The following UBE4B variants were observed in gnomAD, a reference collection of about 807,000 sequenced individuals.
UBE4B encodes the protein ubiquitination factor E4B.
In UBE4B, 27 loss-of-function variants were observed where a neutral mutation model predicts 148.1. The ratio of observed to expected loss-of-function variants is 0.18; its 90% confidence interval spans 0.13 to 0.25. The LOEUF (loss-of-function observed/expected upper bound fraction) is 0.25. Ranked by LOEUF, UBE4B falls within the 10% of genes least tolerant of loss-of-function variation. The pLI is 1.00. For synonymous variants in UBE4B, 596 were observed against 619.3 expected (o/e 0.96, Z 0.56); for missense variants, 1,170 against 1,662.4 (o/e 0.70, Z 5.15).
Position 10,167,729 on chromosome 1 carries a change from A to T in UBE4B, c.3199-407A>T, listed in dbSNP as rs1646275501. ...TGCCTCAGCCTCCCAAGTAGCTGGG[A>T]CTACAGCCACGCACCACCACCCCCA... On this transcript the variant is annotated intron_variant, in intron 23 of 27. Transcript: ENST00000343090. Among the ~76,000 whole-genome samples the T allele has an allele frequency of 2.6e-5, 4 of 151,290 alleles. No individual in the cohort carries two copies. In the Admixed American group the frequency reaches 2.6e-4, roughly 10 times the overall value.
chr1:10,137,898 C>G (rs1157859039), intron 17 of UBE4B, among the ~76,000 whole-genome samples: 1 of 142,530 alleles, frequency 7.0e-6, no homozygotes, highest in Non-Finnish European at 1.5e-5. Context: ...CTGTATCTAC[C>G]TTGCTTAAAT....
At chr1:10,167,559 T>C (rs1450007300) in intron 23 of UBE4B, among the ~76,000 whole-genome samples, 1 of 151,270 alleles carries the variant, frequency 6.6e-6, no homozygotes, top group African/African-American at 2.4e-5. Flanking sequence ...TCCATTATCT[T>C]ATTTCATCCT....
intron 4 of UBE4B, among the ~76,000 whole-genome samples, chr1:10,101,877 G>A (rs1014009607): frequency 1.3e-5 from 2 of 152,080 alleles, no homozygotes; most frequent in Admixed American, 1.3e-4. Context: ...ACTGGGAATT[G>A]AAGCAAGAAT....
At chr1:10,045,062 A>C (rs1643885569) in intron 1 of UBE4B, among the ~76,000 whole-genome samples, 1 of 152,196 alleles carries the variant, frequency 6.6e-6, no homozygotes, top group Non-Finnish European at 1.5e-5. Flanking sequence ...AGGAGGGTGC[A>C]ATGTAGATCC....
chr1:10,100,231 C>T (rs1363351284), intron 3 of UBE4B, among the ~76,000 whole-genome samples: 12 of 152,128 alleles, frequency 7.9e-5, no homozygotes, highest in East Asian at 1.9e-4. Flanking sequence ...CCTTGTGATC[C>T]GCCCACCTCG....
At chr1:10,133,082 G>A (rs573255832) in intron 15 of UBE4B, among the ~76,000 whole-genome samples, 100 of 149,380 alleles carry the variant, frequency 6.7e-4, no homozygotes, top group African/African-American at 2.4e-3. Context: ...CAGACCCAAG[G>A]GGGCAGCCAG....
chr1:10,101,498 CTTTTTTTT>C lies in UBE4B; in HGVS notation c.435+324_435+331del, dbSNP rs34066776. 1.1e-3 allele frequency among the ~76,000 whole-genome samples: 64 copies of C among 56,168 alleles called. No homozygotes were observed. In the South Asian group the frequency reaches 0.012, roughly 10 times the overall value. The allele number at this position is 56,168 out of a possible 152,430, so 36.8% of individuals were successfully genotyped here. On this transcript the variant is annotated intron_variant, in intron 4 of 27. Transcript: ENST00000343090. ...TAGAATTCTTTCTGTTGGTCTTTTG[CTTTTTTTT>C]TTTTTTTTTTTTTTTTTTTTGAGAC... is the stretch of plus-strand genomic sequence containing the variant.
chr1:10,065,051 C>T (rs183194606), intron 1 of UBE4B, among the ~76,000 whole-genome samples: 1 of 152,284 alleles, frequency 6.6e-6, no homozygotes, highest in East Asian at 1.9e-4. Flanking sequence ...GTGTGAGCCA[C>T]CGCGCCTGGC....
chr1:10,110,298 T>C (rs1261876996), intron 7 of UBE4B, among the ~76,000 whole-genome samples: 2 of 152,202 alleles, frequency 1.3e-5, no homozygotes, highest in Non-Finnish European at 2.9e-5. Flanking sequence ...AAAACATTCC[T>C]TCTGTAATGT....
chr1:10,167,790 AC>A (rs1646276425), intron 23 of UBE4B, among the ~76,000 whole-genome samples: 2 of 151,906 alleles, frequency 1.3e-5, no homozygotes, highest in South Asian at 4.1e-4. Context: ...ACGGGGTTTC[AC>A]CATGTTGGCC....
chr1:10,166,775 A>G (rs1166578171), intron 23 of UBE4B, among the ~76,000 whole-genome samples: 2 of 151,848 alleles, frequency 1.3e-5, no homozygotes, highest in African/African-American at 2.4e-5. Flanking sequence ...AAATACAAAA[A>G]TTAGTCAAGC....
chr1:10,159,863 T>G (rs1379210836), intron 22 of UBE4B, among the ~76,000 whole-genome samples: 1 of 152,216 alleles, frequency 6.6e-6, no homozygotes, highest in Non-Finnish European at 1.5e-5. Flanking sequence ...ACTTTTTAAC[T>G]TTTTGTTTCC....
At chr1:10,075,860 T>C (rs1177668008) in intron 2 of UBE4B, among the ~76,000 whole-genome samples, 2 of 152,134 alleles carry the variant, frequency 1.3e-5, no homozygotes, top group African/African-American at 4.8e-5. Context: ...GAGACCAGCC[T>C]GGGCGACATA....
intron 9 of UBE4B, among the ~76,000 whole-genome samples, chr1:10,120,531 T>C (rs1645392964): frequency 6.7e-6 from 1 of 149,748 alleles, no homozygotes; most frequent in Non-Finnish European, 1.5e-5. Context: ...AAAATAAAAA[T>C]TAATAAAATA....
chr1:10,174,868 G>A (rs1470218797), intron 25 of UBE4B, among the ~76,000 whole-genome samples: 1 of 152,102 alleles, frequency 6.6e-6, no homozygotes, highest in Admixed American at 6.6e-5. Flanking sequence ...AAGTGCAGAA[G>A]GATGGATGGT....
chr1:10,109,941 C>T (rs1178083367), intron 7 of UBE4B, among the ~76,000 whole-genome samples: 3 of 152,104 alleles, frequency 2.0e-5, no homozygotes, highest in South Asian at 2.1e-4. Flanking sequence ...TCAGGTGGTC[C>T]GCCCACCTCG....
chr1:10,172,022 C>T (rs189232771), intron 25 of UBE4B, among the ~76,000 whole-genome samples: 9 of 152,268 alleles, frequency 5.9e-5, no homozygotes, highest in Admixed American at 1.3e-4. Context: ...GAAAAGAGCC[C>T]GGTTTCTCAA....
intron 26 of UBE4B, chr1:10,179,203 C>T (rs533806718): frequency 3.4e-6 from 2 of 590,404 alleles, no homozygotes; most frequent in East Asian, 5.9e-5. Flanking sequence ...TCCCTCCCCC[C>T]AGCAGTAGCT....
chr1:10,090,456 A>AG (rs760124731), intron 2 of UBE4B, among the ~76,000 whole-genome samples: 4 of 152,308 alleles, frequency 2.6e-5, no homozygotes, highest in Non-Finnish European at 5.9e-5. Flanking sequence ...TGTTTCTAAC[A>AG]GGCGAGGAGG....
Sources: allele counts gnomAD v4.1 joint callset (sites outside exome capture counted in the v4.1 genomes callset), GRCh38; gene constraint gnomAD v4.1.1; transcripts MANE v1.5; gene names NCBI Gene and HGNC (gene_info 2026-07-23, HGNC 2026-07-21).